PPARGC1A: variants seen among roughly 807,000 people sequenced by gnomAD.
PPARGC1A encodes the protein peroxisome proliferator-activated receptor gamma coactivator 1-alpha.
PPARGC1A carries 25 observed loss-of-function variants against 88.7 expected under a neutral mutation model. The ratio of observed to expected loss-of-function variants is 0.28; its 90% CI spans 0.21 to 0.39. The LOEUF is 0.39. Among genes scored for constraint, PPARGC1A ranks in the 10% least tolerant of loss-of-function variants. The probability of loss-of-function intolerance (pLI) is 1.00; values close to 1 mark genes in which losing one functional copy is unlikely to be tolerated. For missense variants in PPARGC1A, 880 were observed against 968.7 expected, an observed-to-expected ratio of 0.91 and a Z score of 1.22; for synonymous variants, 363 against 355.6, an observed-to-expected ratio of 1.02 and a Z score of -0.24.
At chr4:24,398,667 C>T in the PPARGC1A span, among the ~76,000 whole-genome samples, 1 of 152,200 alleles carries the variant, frequency 6.6e-6, no homozygotes, top group Non-Finnish European at 1.5e-5. Flanking sequence ...TACAAGATGA[C>T]TACATTCTTC....
chr4:24,312,661 T>G, the PPARGC1A span, among the ~76,000 whole-genome samples: 1 of 151,306 alleles, frequency 6.6e-6, no homozygotes, highest in Non-Finnish European at 1.5e-5. Context: ...GATTGCAACT[T>G]ACTGACTCAC....
chr4:24,136,058 G>T, the PPARGC1A span, among the ~76,000 whole-genome samples: 1 of 152,166 alleles, frequency 6.6e-6, no homozygotes, highest in African/African-American at 2.4e-5. Flanking sequence ...CCTTGGGGAG[G>T]TCCCAGGTGA....
the PPARGC1A span, among the ~76,000 whole-genome samples, chr4:24,209,119 C>T: frequency 6.6e-6 from 1 of 152,164 alleles, no homozygotes; most frequent in Admixed American, 6.5e-5. Context: ...ATGTGATATG[C>T]ATGGGGACAG....
chr4:24,417,100 T>C, the PPARGC1A span, among the ~76,000 whole-genome samples: 29 of 150,008 alleles, frequency 1.9e-4, no homozygotes, highest in African/African-American at 6.6e-4. Context: ...CAGTGACAAC[T>C]GGTAGGAAAG....
the PPARGC1A span, among the ~76,000 whole-genome samples, chr4:24,227,447 T>C: frequency 3.3e-5 from 5 of 152,162 alleles, no homozygotes; most frequent in South Asian, 2.1e-4. Context: ...AAAACGAATA[T>C]AGAATAACAC....
chr4:24,143,129 A>T, the PPARGC1A span, among the ~76,000 whole-genome samples: 4 of 152,236 alleles, frequency 2.6e-5, no homozygotes, highest in Admixed American at 1.3e-4. Context: ...AAAAATGTTA[A>T]CAGCAGTTAT....
At chr4:24,303,557 C>T in the PPARGC1A span, among the ~76,000 whole-genome samples, 1 of 152,324 alleles carries the variant, frequency 6.6e-6, no homozygotes, top group East Asian at 1.9e-4. Context: ...AAAATAAATA[C>T]TGTTAACTGT....
intron 2 of PPARGC1A, among the ~76,000 whole-genome samples, chr4:23,872,125 G>A (rs1213884126): frequency 1.3e-5 from 2 of 152,166 alleles, no homozygotes; most frequent in African/African-American, 4.8e-5. Flanking sequence ...AAGCGTGTCA[G>A]TCCTTCCAGC....
chr4:24,232,490 CT>C, the PPARGC1A span, among the ~76,000 whole-genome samples: 1 of 152,146 alleles, frequency 6.6e-6, no homozygotes, highest in Non-Finnish European at 1.5e-5. Flanking sequence ...AGTACTTGAC[CT>C]TTTTAAGAAA....
the PPARGC1A span, among the ~76,000 whole-genome samples, chr4:24,255,560 C>G: frequency 6.6e-6 from 1 of 152,182 alleles, no homozygotes; most frequent in African/African-American, 2.4e-5. Flanking sequence ...TAAATCCATA[C>G]AGTCTGCTAC....
chr4:24,409,449 A>C, the PPARGC1A span, among the ~76,000 whole-genome samples: 1 of 152,202 alleles, frequency 6.6e-6, no homozygotes, highest in African/African-American at 2.4e-5. Flanking sequence ...TTTTTTCCTG[A>C]TGAAGTTGCC....
the PPARGC1A span, among the ~76,000 whole-genome samples, chr4:24,346,012 G>A: frequency 6.6e-6 from 1 of 152,234 alleles, no homozygotes; most frequent in Non-Finnish European, 1.5e-5. Context: ...TTTGTCTAAT[G>A]CTTTTTCTGC....
At chr4:24,394,715 T>C in the PPARGC1A span, among the ~76,000 whole-genome samples, 1 of 152,160 alleles carries the variant, frequency 6.6e-6, no homozygotes, top group Non-Finnish European at 1.5e-5. Flanking sequence ...TTTTATCAAA[T>C]CTAAGATGCT....
At chr4:24,444,278 C>T in the PPARGC1A span, among the ~76,000 whole-genome samples, 2 of 152,012 alleles carry the variant, frequency 1.3e-5, no homozygotes, top group Non-Finnish European at 2.9e-5. Context: ...GGTGATCCGC[C>T]CCCATCGGCC....
At chr4:24,402,707 C>T in the PPARGC1A span, among the ~76,000 whole-genome samples, 1 of 152,198 alleles carries the variant, frequency 6.6e-6, no homozygotes, top group Admixed American at 6.5e-5. Flanking sequence ...GGACAGAGCC[C>T]ACCAGCCAAA....
chr4:24,421,058 C>T, the PPARGC1A span, among the ~76,000 whole-genome samples: 84 of 152,276 alleles, frequency 5.5e-4, no homozygotes, highest in African/African-American at 1.9e-3. Flanking sequence ...TGACCCCATC[C>T]TCTCACACTA....
chr4:24,337,087 C>G, the PPARGC1A span, among the ~76,000 whole-genome samples: 4 of 152,166 alleles, frequency 2.6e-5, no homozygotes, highest in Non-Finnish European at 5.9e-5. Context: ...AGTTCGTGCT[C>G]TCTCCAAATC....
At chr4:24,210,595 C>T in the PPARGC1A span, among the ~76,000 whole-genome samples, 3 of 152,288 alleles carry the variant, frequency 2.0e-5, no homozygotes, top group South Asian at 2.1e-4. Flanking sequence ...ACACTGACCA[C>T]GCAGAGGGGC....
the PPARGC1A span, among the ~76,000 whole-genome samples, chr4:24,329,303 G>A: frequency 1.3e-5 from 2 of 151,520 alleles, no homozygotes; most frequent in Admixed American, 6.6e-5. Context: ...GCAATTTTGG[G>A]AACTCTTCAA....
Sources: gnomAD v4.1 joint callset for allele counts (sites outside exome capture counted in the v4.1 genomes callset) on GRCh38, gnomAD v4.1.1 for gene constraint, MANE v1.5 for transcripts, NCBI Gene and HGNC (gene_info 2026-07-23, HGNC 2026-07-21) for gene names.